MINAR1: variants seen among roughly 807,000 people sequenced by gnomAD.
MINAR1 encodes membrane integral NOTCH2 associated receptor 1.
MINAR1 carries 40 observed loss-of-function variants against 65.1 expected under a neutral mutation model. The ratio of observed to expected loss-of-function variants is 0.61; its 90% confidence interval spans 0.48 to 0.80. The LOEUF (loss-of-function observed/expected upper bound fraction) is 0.80. Among genes scored for constraint, MINAR1 ranks in the 30% least tolerant of loss-of-function variants. The pLI, the probability that MINAR1 is intolerant of heterozygous loss-of-function variation, is 0.00. For synonymous variants in MINAR1, 482 were observed against 449.1 expected (o/e 1.07, Z -0.93); for missense variants, 1,128 against 1,148.0 (o/e 0.98, Z 0.25).
chr15:79,411,681 G>A, the MINAR1 span: 2 of 559,606 alleles, frequency 3.6e-6, no homozygotes, highest in South Asian at 2.1e-5. Flanking sequence ...CTCACCACAG[G>A]CCTCTGGAAT....
Position 79,468,194 on chromosome 15 carries a change from A to C in MINAR1, c.2561A>C (p.Glu854Ala), listed in dbSNP as rs1895944185. The C allele has an allele frequency of 1.2e-6, 2 of 1,613,470 alleles. No individual in the cohort carries two copies. Among genetic ancestry groups the C allele is most frequent in the Non-Finnish European group, 1.7e-6 (2 of 1,179,514 alleles). The change falls in exon 4 of 4, where the codon GAA becomes GCA. Residue 854 changes from glutamate to alanine, a missense_variant. Coordinates refer to ENST00000305428, the MANE Select transcript of MINAR1 (RefSeq NM_015206.3). ...KLTALDLQTQ[E>A]SLNPNNLEYW... ...TCTTCTCTTCGCTTTTAGACGCAAG[A>C]ATCTTTAAACCCAAATAATTTAGAG...
upstream of MINAR1, among the ~76,000 whole-genome samples, chr15:79,429,338 C>A (rs553064534): frequency 6.6e-6 from 1 of 152,302 alleles, no homozygotes; most frequent in South Asian, 2.1e-4. Context: ...TGCTAGAGGA[C>A]CAAAACCAGG....
chr15:79,456,964 A>G lies in MINAR1; in HGVS notation c.817A>G (p.Ser273Gly). 1 of 1,614,146 alleles carries G rather than the reference A, an allele frequency of 6.2e-7. No homozygotes were observed. Among genetic ancestry groups the G allele is most frequent in the South Asian group, 1.1e-5 (1 of 91,076 alleles). ...TCACAATTTGATGGCAGTGTCCCCC[A>G]GTTTGGTTGGCCCCATCAGCAAAGC... Reference protein sequence around the residue: ...DFHNLMAVSPSLVGPISKAEN... With the variant: ...DFHNLMAVSPGLVGPISKAEN... Residue 273 changes from serine to glycine, a missense_variant, in exon 2 of 4, where the codon AGT (serine) becomes GGT (glycine). Transcript: ENST00000305428.
At chr15:79,451,365 C>A (rs1248623491) in intron 1 of MINAR1, among the ~76,000 whole-genome samples, 1 of 152,120 alleles carries the variant, frequency 6.6e-6, no homozygotes, top group Admixed American at 6.5e-5. Flanking sequence ...TGTTGAGCAC[C>A]ACGGAGGGAA....
chr15:79,429,244 T>C (rs1894386333), upstream of MINAR1, among the ~76,000 whole-genome samples: 1 of 152,228 alleles, frequency 6.6e-6, no homozygotes, highest in Non-Finnish European at 1.5e-5. Context: ...TTAGGTTTCA[T>C]AATCAACCTC....
intron 2 of MINAR1, among the ~76,000 whole-genome samples, chr15:79,459,172 G>A (rs971089431): frequency 4.0e-5 from 6 of 150,368 alleles, no homozygotes; most frequent in Admixed American, 2.0e-4. Context: ...GAGCAAGACT[G>A]TCTCAAGAAA....
At chr15:79,466,893 A>T (rs989727288) in intron 3 of MINAR1, among the ~76,000 whole-genome samples, 1 of 152,216 alleles carries the variant, frequency 6.6e-6, no homozygotes, top group African/African-American at 2.4e-5. Context: ...CTCTGAGAGC[A>T]GGTGTCCAAT....
intron 3 of MINAR1, among the ~76,000 whole-genome samples, chr15:79,465,128 T>C (rs1247783314): frequency 6.6e-6 from 1 of 152,196 alleles, no homozygotes; most frequent in Non-Finnish European, 1.5e-5. Flanking sequence ...TAGGTGACAT[T>C]ACTTAAAAAT....
chr15:79,457,028 C>G lies in MINAR1; in HGVS notation c.881C>G (p.Pro294Arg). 6.2e-7 allele frequency: 1 copy of G among 1,613,932 alleles called. No individual in the cohort carries two copies. The highest frequency in any genetic ancestry group is 8.5e-7 in the Non-Finnish European group (1 of 1,179,894). The change falls in exon 2 of 4, where the codon CCC becomes CGC. Residue 294 changes from proline (P) to arginine (R), a missense_variant. Pro to Arg is a moderately radical substitution (Grantham distance 103, BLOSUM62 -2). Transcript: ENST00000305428. ...AGGGAACCCCAGAGTCGAAAGGAAC[C>G]CCACAAGCCACCCTTCTTCAACCAC... ...EHREPQSRKE[P>R]HKPPFFNHSF...
At chr15:79,428,049 C>CT, upstream of MINAR1, among the ~76,000 whole-genome samples, 1 of 152,270 alleles carries the variant, frequency 6.6e-6, no homozygotes, top group Middle Eastern at 3.4e-3. Context: ...ACAGCTCAGC[C>CT]TTTCAGCCCA....
At chr15:79,451,416 G>A (rs966405411) in intron 1 of MINAR1, among the ~76,000 whole-genome samples, 10 of 152,286 alleles carry the variant, frequency 6.6e-5, no homozygotes, top group African/African-American at 2.2e-4. Context: ...TGGGGCAGAA[G>A]GGCTGTTCCA....
chr15:79,447,991 T>C lies in MINAR1; in HGVS notation c.-50-8107T>C, dbSNP rs554609640. Among the ~76,000 whole-genome samples, 11 of 152,286 alleles carry C rather than the reference T, an allele frequency of 7.2e-5. No individual in the cohort carries two copies. In the East Asian group the frequency reaches 1.9e-3, roughly 27 times the overall value. Reference sequence around the variant, plus strand: ...ATCCTAATCTACCTTAGAAGGACCATCCCCTTTACTCTTAGGGCAGCCACA... The same window carrying C: ...ATCCTAATCTACCTTAGAAGGACCACCCCCTTTACTCTTAGGGCAGCCACA... On this transcript the variant is annotated intron_variant, in intron 1 of 3. Transcript: ENST00000305428.
intron 1 of MINAR1, among the ~76,000 whole-genome samples, chr15:79,441,480 A>G (rs1358805682): frequency 6.6e-6 from 1 of 151,994 alleles, no homozygotes; most frequent in African/African-American, 2.4e-5. Flanking sequence ...GTTGGCTACA[A>G]AGATTATTGC....
chr15:79,414,695 A>G, the MINAR1 span: 4 of 152,222 alleles, frequency 2.6e-5, no homozygotes, highest in Admixed American at 1.3e-4. Flanking sequence ...TCCTTGGAAC[A>G]GTCACCTGAA....
At chr15:79,460,902 G>A (rs1240301242) in intron 2 of MINAR1, among the ~76,000 whole-genome samples, 1 of 152,066 alleles carries the variant, frequency 6.6e-6, no homozygotes, top group East Asian at 1.9e-4. Context: ...AACACTAATT[G>A]AGCACCTATG....
rs1434604728 is a variant in MINAR1 at position 79,471,533 on chromosome 15, A to G, written c.*3149A>G. On this transcript the variant is annotated 3_prime_UTR_variant, in exon 4 of 4. Coordinates refer to ENST00000305428, the MANE Select transcript of MINAR1 (RefSeq NM_015206.3). ...CATTACTAGCTGATCATAAATTGTT[A>G]GTATTTTAAGGTATGCAACTATGTG... The G allele has an allele frequency of 1.3e-5, 2 of 152,598 alleles. No homozygotes were observed. Among genetic ancestry groups the G allele is most frequent in the African/African-American group, 4.8e-5 (2 of 41,438 alleles). The allele number at this position is 152,598 out of a possible 1,614,324, so 9.5% of individuals were successfully genotyped here. A position where few individuals can be genotyped will look rare whatever the true frequency, so the allele number is the denominator to read the frequency against.
At chr15:79,461,934 A>T (rs1895657809) in intron 2 of MINAR1, among the ~76,000 whole-genome samples, 1 of 152,178 alleles carries the variant, frequency 6.6e-6, no homozygotes, top group South Asian at 2.1e-4. Context: ...ACACACATAC[A>T]CGTGTGCCCA....
upstream of MINAR1, among the ~76,000 whole-genome samples, chr15:79,431,169 G>C (rs1894426715): frequency 3.3e-5 from 5 of 152,176 alleles, no homozygotes; most frequent in South Asian, 8.3e-4. Context: ...TCGGTAACTC[G>C]GTGGCAGGGA....
chr15:79,461,081 A>C (rs1595951510), intron 2 of MINAR1, among the ~76,000 whole-genome samples: 1 of 152,344 alleles, frequency 6.6e-6, no homozygotes, highest in East Asian at 1.9e-4. Context: ...TCCAGCCCTT[A>C]ATCCCGTTTG....
Sources: allele counts gnomAD v4.1 joint callset (sites outside exome capture counted in the v4.1 genomes callset), GRCh38; gene constraint gnomAD v4.1.1; transcripts MANE v1.5; gene names NCBI Gene and HGNC (gene_info 2026-07-23, HGNC 2026-07-21).